MROH1: variants seen among roughly 807,000 people sequenced by gnomAD.
MROH1 encodes the protein maestro heat like repeat family member 1.
In MROH1, 117 loss-of-function variants were observed where a neutral mutation model predicts 116.5. The ratio of observed to expected loss-of-function variants is 1.00; its 90% confidence interval spans 0.86 to 1.17. MROH1 has a LOEUF of 1.17. Ranked by LOEUF, MROH1 falls within the 50% of genes most tolerant of loss-of-function variation. The pLI is 0.00. For missense variants in MROH1, 1,873 were observed against 1,338.5 expected (o/e 1.40, Z -6.23); for synonymous variants, 921 against 583.9 (o/e 1.58, Z -8.32).
At position 144,163,269 on chromosome 8, in the gene MROH1, G is replaced by A. The variant is rs1232185997; in HGVS notation, c.-56-502G>A. Among the ~76,000 whole-genome samples the A allele has an allele frequency of 4.6e-5, 7 of 152,164 alleles. No homozygotes were observed. The highest frequency in any genetic ancestry group is 1.9e-4 in the East Asian group (1 of 5,204). ...GTGGGCCTGCAGCCCCTCTGATGAC[G>A]TAGGTCCTCAGAAAGCGTGACACAA... is the stretch of plus-strand genomic sequence containing the variant. On this transcript the variant is annotated intron_variant, in intron 2 of 43. Transcript: ENST00000326134. The surrounding 1 kb of genome is among the most constrained non-coding windows in gnomAD (Gnocchi z 4.4).
At chr8:144,244,832 G>T (rs1387341424) in intron 28 of MROH1, among the ~76,000 whole-genome samples, 1 of 152,192 alleles carries the variant, frequency 6.6e-6, no homozygotes, top group Non-Finnish European at 1.5e-5. Context: ...CGCTACCAGG[G>T]TGGTGCTAGG....
At chr8:144,184,852 A>G (rs1384777417) in intron 7 of MROH1, among the ~76,000 whole-genome samples, 1 of 152,190 alleles carries the variant, frequency 6.6e-6, no homozygotes, top group Admixed American at 6.5e-5. Context: ...GCTGACTTTC[A>G]CAGCCAGTGC....
intron 10 of MROH1, among the ~76,000 whole-genome samples, chr8:144,196,722 A>G (rs911017869): frequency 2.0e-5 from 3 of 152,126 alleles, no homozygotes; most frequent in African/African-American, 7.2e-5. Flanking sequence ...ATCCAACTGT[A>G]TCTTTTTTCC....
chr8:144,224,292 CAG>C (rs2132461575), intron 14 of MROH1, among the ~76,000 whole-genome samples: 1 of 152,224 alleles, frequency 6.6e-6, no homozygotes, highest in Admixed American at 6.5e-5. Flanking sequence ...ATTTTTGAGA[CAG>C]GGTCTCGCTC....
chr8:144,245,050 A>G (rs1044341368), intron 28 of MROH1, 106 bp from the exon 29 acceptor site: 14 of 764,758 alleles, frequency 1.8e-5, no homozygotes, highest in African/African-American at 1.7e-4. Context: ...CCTGTAGCCC[A>G]GGAAGGATGG....
chr8:144,154,055 C>T (rs2130590795), intron 1 of MROH1, among the ~76,000 whole-genome samples: 1 of 149,490 alleles, frequency 6.7e-6, no homozygotes, highest in Non-Finnish European at 1.5e-5. Context: ...CCAAAGCGTC[C>T]ACCCTATTTT....
chr8:144,188,758 G>A (rs1031127000), intron 7 of MROH1, among the ~76,000 whole-genome samples: 1 of 152,066 alleles, frequency 6.6e-6, no homozygotes, highest in South Asian at 2.1e-4. Flanking sequence ...GAGCCACTGC[G>A]TCCGGCCACT....
At chr8:144,252,959 AAAAT>A (rs1843083548) in intron 33 of MROH1, among the ~76,000 whole-genome samples, 1 of 139,150 alleles carries the variant, frequency 7.2e-6, no homozygotes, top group Admixed American at 7.2e-5. Context: ...TCCGTCTCAA[AAAAT>A]AAATAAAATT....
At chr8:144,258,644 G>C in intron 35 of MROH1, 133 bp from the exon 36 acceptor site, 1 of 675,464 alleles carries the variant, frequency 1.5e-6, no homozygotes, top group East Asian at 2.7e-5. Context: ...CCTGCTTCCT[G>C]GAGAGTGGCT....
Position 144,261,274 on chromosome 8 carries a change from C to G in MROH1, c.4775-10C>G. 1.3e-6 allele frequency: 1 copy of G among 746,598 alleles called. No homozygotes were observed. Among genetic ancestry groups the G allele is most frequent in the Non-Finnish European group, 2.4e-6 (1 of 409,914 alleles). The allele number at this position is 746,598 out of a possible 1,614,324, so 46.2% of individuals were successfully genotyped here. On this transcript the variant is annotated splice_polypyrimidine_tract_variant and intron_variant, in intron 42 of 43. Transcript: ENST00000326134. The stretch of plus-strand genomic sequence containing the variant: ...GCCCGGCAGCCCCGCCTGATGCCCC[C>G]ACTTCACAGGGTTCCTGGTGCTGCA...
At chr8:144,211,961 G>T (rs1238776199) in intron 12 of MROH1, among the ~76,000 whole-genome samples, 1 of 152,122 alleles carries the variant, frequency 6.6e-6, no homozygotes, top group Non-Finnish European at 1.5e-5. Flanking sequence ...CGGCCCTGCT[G>T]GTCTTTGGCA....
rs1012147720 is a variant in MROH1 at position 144,261,090 on chromosome 8, G to A, written c.4672-24G>A. The stretch of plus-strand genomic sequence containing the variant: ...CGTGGTGGGTGGGGCGGGGCCAGGC[G>A]GCACTGACCAGGCCTCTCCCCAGAT... On this transcript the variant is annotated intron_variant, in intron 41 of 43. Coordinates refer to ENST00000326134, the MANE Select transcript of MROH1 (RefSeq NM_032450.3). The A allele has an allele frequency of 5.3e-4, 411 of 775,166 alleles. 3 individuals are homozygous for A. The highest frequency in any genetic ancestry group is 2.3e-3 in the Admixed American group (136 of 58,976). 48.0% of individuals were successfully genotyped at this position (775,166 alleles called of 1,614,324 possible).
In MROH1 at chr8:144,166,175, G is replaced by A. The variant is rs114555288; in HGVS notation, c.23-2120G>A. 3.5e-3 allele frequency among the ~76,000 whole-genome samples: 538 copies of A among 152,278 alleles called. 1 individual carries two copies. Among genetic ancestry groups the A allele is most frequent in the African/African-American group, 0.012 (503 of 41,572 alleles). On this transcript the variant is annotated intron_variant, in intron 3 of 43. Coordinates refer to ENST00000326134, the MANE Select transcript of MROH1 (RefSeq NM_032450.3). Reference sequence around the variant, plus strand: ...ATTACAGGCGTGAGCCACTGCGCCCGACCCCATCAAGCATTTTTATAAGGC... The same window carrying A: ...ATTACAGGCGTGAGCCACTGCGCCCAACCCCATCAAGCATTTTTATAAGGC...
chr8:144,184,982 C>G (rs998279201), intron 7 of MROH1, among the ~76,000 whole-genome samples: 1 of 152,202 alleles, frequency 6.6e-6, no homozygotes, highest in Non-Finnish European at 1.5e-5. Flanking sequence ...CTGGGTGCTG[C>G]TGGTGAGTGA....
At chr8:144,197,210 C>T (rs948005768) in intron 10 of MROH1, among the ~76,000 whole-genome samples, 2 of 152,248 alleles carry the variant, frequency 1.3e-5, no homozygotes, top group East Asian at 1.9e-4. Context: ...CCCATTCATG[C>T]GGTCTGCCTG....
intron 12 of MROH1, among the ~76,000 whole-genome samples, chr8:144,217,671 T>G (rs1835564617): frequency 6.6e-6 from 1 of 152,230 alleles, no homozygotes; most frequent in Non-Finnish European, 1.5e-5. Context: ...TGGCACGATC[T>G]CGGCTCACTA....
chr8:144,201,448 G>A (rs1023550791), intron 12 of MROH1, among the ~76,000 whole-genome samples: 4 of 152,216 alleles, frequency 2.6e-5, no homozygotes, highest in Non-Finnish European at 4.4e-5. Context: ...CTCTTCCGCA[G>A]GTCAGTGCAC....
chr8:144,222,010 C>T lies in MROH1; in HGVS notation c.1216-1098C>T, dbSNP rs377039678. On this transcript the variant is annotated intron_variant, in intron 13 of 43. Coordinates refer to ENST00000326134, the MANE Select transcript of MROH1 (RefSeq NM_032450.3). ...CGAGTCACCAGGCATGGTTACTGGGCGAGGCTGGACATGCAGGCTCAACTC... is the reference window on the plus strand; with the variant it reads ...CGAGTCACCAGGCATGGTTACTGGGTGAGGCTGGACATGCAGGCTCAACTC... Among the ~76,000 whole-genome samples the T allele has an allele frequency of 2.7e-4, 34 of 123,928 alleles. 1 individual carries two copies. In the East Asian group the frequency reaches 9.3e-3, roughly 34 times the overall value. The allele number at this position is 123,928 out of a possible 152,430, so 81.3% of individuals were successfully genotyped here. A position where few individuals can be genotyped will look rare whatever the true frequency, so the allele number is the denominator to read the frequency against.
At chr8:144,189,548 C>T (rs1828033983) in intron 7 of MROH1, among the ~76,000 whole-genome samples, 1 of 152,216 alleles carries the variant, frequency 6.6e-6, no homozygotes, top group South Asian at 2.1e-4. Flanking sequence ...TGGCCACCTG[C>T]CCAGCCTCTG....
Sources: gnomAD v4.1 joint callset for allele counts (sites outside exome capture counted in the v4.1 genomes callset) on GRCh38, gnomAD v4.1.1 for gene constraint, Gnocchi (gnomAD v3.1) non-coding constraint, MANE v1.5 for transcripts, NCBI Gene and HGNC (gene_info 2026-07-23, HGNC 2026-07-21) for gene names.